ST6GAL2: variants seen among roughly 807,000 people sequenced by gnomAD.
ST6GAL2 encodes the protein ST6 beta-galactoside alpha-2,6-sialyltransferase 2.
A neutral mutation model predicts 37.5 loss-of-function variants in ST6GAL2; 24 were observed. The ratio of observed to expected loss-of-function variants is 0.64; its 90% CI spans 0.46 to 0.90. The LOEUF is 0.90. ST6GAL2 is among the 40% of genes least tolerant of loss of function. ST6GAL2 has a pLI of 0.00. For synonymous variants in ST6GAL2, 306 were observed against 295.1 expected, an observed-to-expected ratio of 1.04 and a Z score of -0.38; for missense variants, 715 against 712.7, an observed-to-expected ratio of 1.00 and a Z score of -0.04.
intron 5 of ST6GAL2, among the ~76,000 whole-genome samples, chr2:106,810,685 C>T (rs1267255153): frequency 6.7e-6 from 1 of 148,338 alleles, no homozygotes; most frequent in Non-Finnish European, 1.5e-5. Flanking sequence ...TGCAGTGGCT[C>T]ACGCCTGGAA....
intron 1 of ST6GAL2, among the ~76,000 whole-genome samples, chr2:106,860,277 C>T (rs1426205572): frequency 1.3e-5 from 2 of 152,170 alleles, no homozygotes; most frequent in East Asian, 1.9e-4. Flanking sequence ...GGTGATCTGT[C>T]TTTCTGGCTG....
At chr2:106,825,915 A>G (rs995913096) in intron 5 of ST6GAL2, among the ~76,000 whole-genome samples, 4 of 152,160 alleles carry the variant, frequency 2.6e-5, no homozygotes, top group African/African-American at 7.2e-5. Context: ...CCTTTCGCCT[A>G]TATGAAGGAT....
chr2:106,881,233 C>A (rs1678738664), intron 1 of ST6GAL2, among the ~76,000 whole-genome samples: 1 of 152,170 alleles, frequency 6.6e-6, no homozygotes, highest in South Asian at 2.1e-4. Context: ...CAAGCAATCG[C>A]CTGCATCAGC....
At chr2:106,882,578 A>G (rs894504782) in intron 1 of ST6GAL2, among the ~76,000 whole-genome samples, 1 of 152,204 alleles carries the variant, frequency 6.6e-6, no homozygotes, top group African/African-American at 2.4e-5. Context: ...ACAACTTACA[A>G]TTATCAGTTT....
chr2:106,852,352 C>T (rs2104552786), intron 1 of ST6GAL2, among the ~76,000 whole-genome samples: 2 of 152,288 alleles, frequency 1.3e-5, no homozygotes, highest in Middle Eastern at 6.8e-3. Context: ...ATGGAGCAAT[C>T]CCACCTGCTA....
At chr2:106,833,764 C>T (rs1381238382) in intron 3 of ST6GAL2, among the ~76,000 whole-genome samples, 1 of 152,146 alleles carries the variant, frequency 6.6e-6, no homozygotes, top group African/African-American at 2.4e-5. Flanking sequence ...TCACAAAATG[C>T]AACATGCTAA....
At chr2:106,842,656 G>T (rs1676938582) in intron 2 of ST6GAL2, among the ~76,000 whole-genome samples, 1 of 152,152 alleles carries the variant, frequency 6.6e-6, no homozygotes, top group African/African-American at 2.4e-5. Flanking sequence ...CCACAGCCTG[G>T]GGGCATATCC....
rs1675334247 is a variant in ST6GAL2, at chr2:106,803,845, T to A, written c.*2833A>T. 1 of 152,158 alleles carries A rather than the reference T, an allele frequency of 6.6e-6. No individual in the cohort carries two copies. The highest frequency in any genetic ancestry group is 2.4e-5 in the African/African-American group (1 of 41,450). The allele number at this position is 152,158 out of a possible 1,614,324, so 9.4% of individuals were successfully genotyped here. Reference sequence around the variant, plus strand: ...CAGTGAGCTGCCACTTACTGTTAACTACTCCACAGAAGAACTATATGTTTA... The same window carrying A: ...CAGTGAGCTGCCACTTACTGTTAACAACTCCACAGAAGAACTATATGTTTA... On this transcript the variant is annotated 3_prime_UTR_variant, in exon 6 of 6. Coordinates refer to ENST00000409382, the MANE Select transcript of ST6GAL2 (RefSeq NM_001142351.2).
chr2:106,813,190 G>A lies in ST6GAL2; in HGVS notation c.1319-6241C>T, dbSNP rs1398509637. 7.4e-6 allele frequency: 10 copies of A among 1,358,908 alleles called. No individual in the cohort carries two copies. In the South Asian group the frequency reaches 1.3e-4, roughly 18 times the overall value. The allele number at this position is 1,358,908 out of a possible 1,614,324, so 84.2% of individuals were successfully genotyped here. A position where few individuals can be genotyped will look rare whatever the true frequency, so the allele number is the denominator to read the frequency against. On this transcript the variant is annotated intron_variant, in intron 5 of 5. Transcript: ENST00000409382. ...TGCAGTCGCGTGATCTCGGCTCACT[G>A]CAAGCTCTGATATGGCCAATTTTTA...
At chr2:106,835,127 C>A (rs1676584133) in intron 2 of ST6GAL2, 1 of 152,240 alleles carries the variant, frequency 6.6e-6, no homozygotes, top group Non-Finnish European at 1.5e-5. Context: ...TCCTAGAAAC[C>A]AGCCTGAAGC....
intron 2 of ST6GAL2, chr2:106,841,310 G>A (rs1471397011): frequency 6.6e-6 from 1 of 152,138 alleles, no homozygotes; most frequent in Admixed American, 6.5e-5. Flanking sequence ...CGCTTAAAAT[G>A]AAGACAACAA....
intron 5 of ST6GAL2, among the ~76,000 whole-genome samples, 186 bp from the exon 6 acceptor site, chr2:106,807,135 G>T (rs1411320487): frequency 6.6e-6 from 1 of 151,816 alleles, no homozygotes; most frequent in African/African-American, 2.4e-5. Context: ...GGAGTATGGG[G>T]GCATATTAAA....
intron 1 of ST6GAL2, among the ~76,000 whole-genome samples, chr2:106,876,304 G>T (rs1196765399): frequency 6.6e-6 from 1 of 152,042 alleles, no homozygotes; most frequent in Non-Finnish European, 1.5e-5. Flanking sequence ...TCTACTGAAG[G>T]AAGATCTAAA....
At chr2:106,842,925 G>T in intron 2 of ST6GAL2, 110 bp downstream of exon 2, 1 of 713,740 alleles carries the variant, frequency 1.4e-6, no homozygotes, top group African/African-American at 1.9e-5. Context: ...ACCTGGTGCG[G>T]AGACCCCAGC....
intron 5 of ST6GAL2, among the ~76,000 whole-genome samples, chr2:106,810,823 G>A (rs570809568): frequency 5.3e-5 from 8 of 152,072 alleles, no homozygotes; most frequent in Non-Finnish European, 7.4e-5. Flanking sequence ...ATGGTGGCTC[G>A]TGCCTGTGGT....
chr2:106,812,175 G>T (rs1675636457), intron 5 of ST6GAL2, among the ~76,000 whole-genome samples: 1 of 152,184 alleles, frequency 6.6e-6, no homozygotes, highest in Admixed American at 6.5e-5. Flanking sequence ...ATTTCTCTCT[G>T]CAATAACACC....
Position 106,843,526 on chromosome 2 carries a change from G to C in ST6GAL2, c.452C>G (p.Pro151Arg). 6.2e-7 allele frequency: 1 copy of C among 1,614,048 alleles called. No individual in the cohort carries two copies. Among genetic ancestry groups the C allele is most frequent in the South Asian group, 1.1e-5 (1 of 91,084 alleles). The change falls in exon 2 of 6, where the codon CCT (proline) becomes CGT (arginine). Residue 151 changes from proline (P) to arginine (R), a missense_variant. Transcript: ENST00000409382. ...CCGTGGGCCTGGCTCCCCGGGGGAA[G>C]GGAATCCCAATGTCCCCTGAGTGTG... ...HSHTQGTLGF[P>R]SPGEPGPREG...
intron 5 of ST6GAL2, among the ~76,000 whole-genome samples, chr2:106,809,437 G>A (rs980701087): frequency 2.6e-5 from 4 of 152,198 alleles, no homozygotes; most frequent in African/African-American, 4.8e-5. Flanking sequence ...AATGGCGTCC[G>A]TAAGGACTGG....
intron 1 of ST6GAL2, among the ~76,000 whole-genome samples, chr2:106,858,523 G>A (rs1005612184): frequency 2.0e-5 from 3 of 152,162 alleles, no homozygotes; most frequent in East Asian, 1.9e-4. Context: ...GTGTTTCAAG[G>A]AGTGAAGAAG....
Sources: allele counts gnomAD v4.1 joint callset (sites outside exome capture counted in the v4.1 genomes callset), GRCh38; gene constraint gnomAD v4.1.1; transcripts MANE v1.5; gene names NCBI Gene and HGNC (gene_info 2026-07-23, HGNC 2026-07-21).